Variants in PRR5L observed in about 807,000 individuals in gnomAD.
PRR5L encodes the protein proline rich 5 like.
PRR5L carries 21 observed loss-of-function variants against 36.4 expected under a neutral mutation model. The observed-to-expected ratio is 0.58, with a 90% CI of 0.41 to 0.83. The LOEUF (loss-of-function observed/expected upper bound fraction) is 0.83, where lower values mean the gene tolerates loss of function less well. Ranked by LOEUF, PRR5L falls within the 40% of genes least tolerant of loss-of-function variation. The pLI, the probability that PRR5L is intolerant of heterozygous loss-of-function variation, is 0.00. For missense variants in PRR5L, 381 were observed against 473.3 expected (o/e 0.80, Z 1.81); for synonymous variants, 188 against 197.0 (o/e 0.95, Z 0.38).
At position 36,459,482 on chromosome 11, in the gene PRR5L, G is replaced by A. The variant is rs187764072; in HGVS notation, c.713-2860G>A. On this transcript the variant is annotated intron_variant, in intron 8 of 8. Coordinates refer to ENST00000530639, the MANE Select transcript of PRR5L (RefSeq NM_001160167.2). ...TCTCCTGCCTCTCTGACCCACCCTA[G>A]GGTTTCCTTCCTTCTGGAAAGGCAA... Among the ~76,000 whole-genome samples the A allele has an allele frequency of 1.1e-3, 164 of 152,222 alleles. 1 individual carries two copies. The South Asian group carries it at 0.011, about 10-fold the overall frequency.
chr11:36,411,729 G>A (rs11033602), intron 3 of PRR5L, among the ~76,000 whole-genome samples: 6,833 of 152,210 alleles, frequency 0.045, 181 homozygotes, highest in East Asian at 0.074. Context: ...TACACGTCCC[G>A]GCAATTCTTT....
chr11:36,337,624 C>G (rs1200930615), intron 1 of PRR5L, among the ~76,000 whole-genome samples: 1 of 152,210 alleles, frequency 6.6e-6, no homozygotes, highest in East Asian at 1.9e-4. Context: ...TAAATGGCTG[C>G]ACTCAACTTC....
At chr11:36,444,207 G>A (rs778749621) in intron 6 of PRR5L, among the ~76,000 whole-genome samples, 1 of 152,186 alleles carries the variant, frequency 6.6e-6, no homozygotes, top group Non-Finnish European at 1.5e-5. Flanking sequence ...AGTGAGGGAG[G>A]TCAATATGTG....
At chr11:36,355,711 A>T (rs1857019573) in intron 1 of PRR5L, among the ~76,000 whole-genome samples, 1 of 151,478 alleles carries the variant, frequency 6.6e-6, no homozygotes, top group East Asian at 1.9e-4. Context: ...CACCATGCCC[A>T]GCTATTTTTT....
At chr11:36,444,342 T>C (rs1029869729) in intron 6 of PRR5L, among the ~76,000 whole-genome samples, 1 of 152,222 alleles carries the variant, frequency 6.6e-6, no homozygotes, top group African/African-American at 2.4e-5. Flanking sequence ...ATAGGAACTT[T>C]CTGGAGAAAT....
intron 1 of PRR5L, among the ~76,000 whole-genome samples, chr11:36,356,314 T>C (rs1007808385): frequency 1.3e-5 from 2 of 152,148 alleles, no homozygotes; most frequent in Non-Finnish European, 2.9e-5. Context: ...TGTGACCAAG[T>C]AAAAGCCATT....
At chr11:36,425,116 C>T (rs1173058697) in intron 4 of PRR5L, among the ~76,000 whole-genome samples, 4 of 152,218 alleles carry the variant, frequency 2.6e-5, no homozygotes, top group African/African-American at 9.6e-5. Context: ...GCCACCGCCC[C>T]CAGCCACAAT....
intron 3 of PRR5L, among the ~76,000 whole-genome samples, chr11:36,410,969 C>T (rs778427262): frequency 1.3e-5 from 2 of 152,204 alleles, no homozygotes; most frequent in Non-Finnish European, 2.9e-5. Context: ...ACCAAAGGGC[C>T]AGGGTGCAGG....
chr11:36,421,602 T>C (rs952473756), intron 4 of PRR5L, among the ~76,000 whole-genome samples: 2 of 152,224 alleles, frequency 1.3e-5, no homozygotes, highest in Non-Finnish European at 2.9e-5. Context: ...CTTTCTTTTT[T>C]AGTCTTTTGG....
At chr11:36,387,481 AT>A (rs1857479242) in intron 1 of PRR5L, among the ~76,000 whole-genome samples, 1 of 152,212 alleles carries the variant, frequency 6.6e-6, no homozygotes. Context: ...AGGCTGGTGA[AT>A]TAGATGATGT....
intron 6 of PRR5L, among the ~76,000 whole-genome samples, chr11:36,443,975 T>C (rs1462443072): frequency 1.3e-5 from 2 of 152,218 alleles, no homozygotes; most frequent in Non-Finnish European, 2.9e-5. Flanking sequence ...GAGAGCAACA[T>C]GGCAGTATTT....
chr11:36,430,956 A>T (rs1412178006), intron 4 of PRR5L, among the ~76,000 whole-genome samples: 2 of 152,168 alleles, frequency 1.3e-5, no homozygotes, highest in African/African-American at 2.4e-5. Context: ...GATACATATC[A>T]CCTTTGCAGC....
chr11:36,322,685 G>C (rs376097635), intron 1 of PRR5L, among the ~76,000 whole-genome samples: 1 of 152,204 alleles, frequency 6.6e-6, no homozygotes, highest in Non-Finnish European at 1.5e-5. Flanking sequence ...CACATAACCT[G>C]AGGCAGCCCT....
intron 1 of PRR5L, among the ~76,000 whole-genome samples, chr11:36,343,679 G>C (rs1163359279): frequency 1.3e-5 from 2 of 152,178 alleles, no homozygotes; most frequent in Non-Finnish European, 2.9e-5. Context: ...AGCCTTTATA[G>C]TGGTTTCCAT....
At chr11:36,350,718 GTCCACTGTA>G (rs906624377) in intron 1 of PRR5L, among the ~76,000 whole-genome samples, 4 of 150,682 alleles carry the variant, frequency 2.7e-5, no homozygotes, top group African/African-American at 9.8e-5. Flanking sequence ...GAGTCCCCAA[GTCCACTGTA>G]TCATTCTTAT....
intron 1 of PRR5L, among the ~76,000 whole-genome samples, chr11:36,392,969 T>G (rs113472811): frequency 6.6e-6 from 1 of 152,238 alleles, no homozygotes; most frequent in Non-Finnish European, 1.5e-5. Flanking sequence ...TTGCCATTTG[T>G]AGGTCTTCTT....
At chr11:36,332,282 A>G (rs1466932959) in intron 1 of PRR5L, among the ~76,000 whole-genome samples, 1 of 152,206 alleles carries the variant, frequency 6.6e-6, no homozygotes, top group East Asian at 1.9e-4. Flanking sequence ...GCCCTCTTCC[A>G]CAACAAAACA....
chr11:36,457,177 T>C (rs1357132932), intron 8 of PRR5L, among the ~76,000 whole-genome samples: 1 of 152,228 alleles, frequency 6.6e-6, no homozygotes, highest in Admixed American at 6.5e-5. Flanking sequence ...TGATTTCCTG[T>C]TCTCTCGATT....
intron 4 of PRR5L, among the ~76,000 whole-genome samples, chr11:36,421,677 G>A (rs1357761321): frequency 6.6e-6 from 1 of 152,128 alleles, no homozygotes; most frequent in East Asian, 1.9e-4. Flanking sequence ...TGGGAGAGAG[G>A]GAGGGATTTT....
Sources: allele counts gnomAD v4.1 joint callset (sites outside exome capture counted in the v4.1 genomes callset), GRCh38; gene constraint gnomAD v4.1.1; transcripts MANE v1.5; gene names NCBI Gene and HGNC (gene_info 2026-07-23, HGNC 2026-07-21).